Variants in TENM1 observed in about 807,000 individuals in gnomAD.
TENM1 encodes teneurin transmembrane protein 1.
TENM1 carries 35 observed loss-of-function variants against 174.8 expected under a neutral mutation model. That is an observed-to-expected ratio of 0.20 (90% CI 0.15 to 0.27). The LOEUF is 0.27. Among genes scored for constraint, TENM1 ranks in the 10% least tolerant of loss-of-function variants. The pLI, the probability that TENM1 is intolerant of heterozygous loss-of-function variation, is 1.00. For synonymous variants in TENM1, 781 were observed against 798.7 expected (o/e 0.98, Z 0.37); for missense variants, 1,633 against 2,130.1 (o/e 0.77, Z 4.59).
At chrX:125,176,036 TG>T in the TENM1 span, among the ~76,000 whole-genome samples, 3 of 111,833 alleles carry the variant, frequency 2.7e-5, no homozygotes, top group Admixed American at 9.5e-5. Context: ...CTCTGCAGCT[TG>T]GTTATTTCAT....
At chrX:124,874,724 G>A (rs1038254450) in intron 3 of TENM1, among the ~76,000 whole-genome samples, 1 of 110,555 alleles carries the variant, frequency 9.0e-6, no homozygotes, top group Non-Finnish European at 1.9e-5. Flanking sequence ...AGGGAGTGAG[G>A]TACGGAGGGA....
chrX:124,541,294 A>G (rs2048313561), intron 15 of TENM1, among the ~76,000 whole-genome samples: 1 of 112,027 alleles, frequency 8.9e-6, no homozygotes, highest in Non-Finnish European at 1.9e-5. Flanking sequence ...AGTATTGGAG[A>G]TGGGGCCTGG....
At chrX:124,730,684 T>C (rs1485284797) in intron 4 of TENM1, among the ~76,000 whole-genome samples, 1 of 112,186 alleles carries the variant, frequency 8.9e-6, no homozygotes. Context: ...AATGCAAATA[T>C]ATGGCAAGTT....
intron 3 of TENM1, among the ~76,000 whole-genome samples, chrX:124,787,819 A>T (rs1603199360): frequency 8.9e-6 from 1 of 112,630 alleles, no homozygotes; most frequent in African/African-American, 3.2e-5. Flanking sequence ...TAGATTCTAT[A>T]ATATAGTATA....
At chrX:125,148,077 A>G in the TENM1 span, among the ~76,000 whole-genome samples, 1 of 111,066 alleles carries the variant, frequency 9.0e-6, no homozygotes, top group Admixed American at 9.6e-5. Flanking sequence ...TTAATTTTTC[A>G]AGAATCTTTC....
chrX:124,580,918 C>G (rs73215120), intron 11 of TENM1, among the ~76,000 whole-genome samples: 8,567 of 109,601 alleles, frequency 0.078, 414 homozygotes, highest in Non-Finnish European at 0.13. Flanking sequence ...TTGTTGCCAT[C>G]TTTATGTCCC....
chrX:124,602,580 G>C (rs910419437), intron 11 of TENM1, among the ~76,000 whole-genome samples: 1 of 110,717 alleles, frequency 9.0e-6, no homozygotes, highest in African/African-American at 3.3e-5. Flanking sequence ...GGGAGTCTTA[G>C]GCAGAATGAA....
At chrX:124,587,628 G>A (rs1180416654) in intron 11 of TENM1, among the ~76,000 whole-genome samples, 1 of 110,723 alleles carries the variant, frequency 9.0e-6, no homozygotes, top group Non-Finnish European at 1.9e-5. Context: ...CATAGGCATG[G>A]GCAAGGACTT....
intron 5 of TENM1, among the ~76,000 whole-genome samples, chrX:124,686,776 T>C (rs773230503): frequency 6.4e-4 from 72 of 111,686 alleles, no homozygotes; most frequent in African/African-American, 2.2e-3. Context: ...TACCTCAAAA[T>C]AGTAAAAGCT....
the TENM1 span, among the ~76,000 whole-genome samples, chrX:125,099,652 C>A: frequency 1.8e-5 from 2 of 111,706 alleles, no homozygotes; most frequent in Admixed American, 9.6e-5. Flanking sequence ...TCTTGGGATG[C>A]ATTCTGTGTG....
intron 3 of TENM1, among the ~76,000 whole-genome samples, 199 bp downstream of exon 6, chrX:124,894,097 C>T (rs2057520155): frequency 9.0e-6 from 1 of 111,597 alleles, no homozygotes; most frequent in African/African-American, 3.3e-5. Flanking sequence ...CCTTCACCTC[C>T]TCTTCACCAC....
intron 3 of TENM1, among the ~76,000 whole-genome samples, chrX:124,884,224 A>T (rs949920087): frequency 3.6e-5 from 4 of 110,882 alleles, no homozygotes; most frequent in Non-Finnish European, 7.6e-5. Flanking sequence ...TGACCCTGGT[A>T]GCAGCAGCCA....
chrX:124,913,783 A>G (rs1273135186), intron 1 of TENM1, among the ~76,000 whole-genome samples: 2 of 111,983 alleles, frequency 1.8e-5, no homozygotes, highest in African/African-American at 6.5e-5. Context: ...TTTTGTATTC[A>G]CTAACTTGTC....
In TENM1 at chrX:124,828,051, G is replaced by T. The variant is rs376331626; in HGVS notation, c.535+66245C>A. On this transcript the variant is annotated intron_variant, in intron 3 of 31. Transcript: ENST00000422452. The stretch of plus-strand genomic sequence containing the variant: ...AGGAAAGTAGAGAATTAAAACTTAT[G>T]ATAAACAATCAGGAGTCATGGCCAA... Among the ~76,000 whole-genome samples the T allele has an allele frequency of 3.6e-5, 4 of 111,697 alleles. No individual in the cohort carries two copies. In the East Asian group the frequency reaches 8.5e-4, roughly 24 times the overall value.
intron 4 of TENM1, among the ~76,000 whole-genome samples, chrX:124,727,784 A>C (rs1158948744): frequency 2.7e-5 from 3 of 111,411 alleles, no homozygotes; most frequent in African/African-American, 9.8e-5. Flanking sequence ...AAGGAAACTA[A>C]AATGAGGGTG....
the TENM1 span, among the ~76,000 whole-genome samples, chrX:125,148,395 G>C: frequency 1.4e-4 from 16 of 110,913 alleles, no homozygotes; most frequent in African/African-American, 5.2e-4. Context: ...GACATCTGTA[G>C]TGCAACTACT....
At chrX:124,926,173 C>T (rs377475486) in intron 1 of TENM1, among the ~76,000 whole-genome samples, 13 of 112,164 alleles carry the variant, frequency 1.2e-4, no homozygotes, top group South Asian at 7.4e-4. Flanking sequence ...AAGTCACTTA[C>T]GTGCTGGCCA....
the TENM1 span, among the ~76,000 whole-genome samples, chrX:125,121,742 A>G: frequency 1.8e-5 from 2 of 112,073 alleles, no homozygotes; most frequent in East Asian, 5.6e-4. Flanking sequence ...TTATGACTAC[A>G]AAAGCAATAA....
intron 3 of TENM1, among the ~76,000 whole-genome samples, chrX:124,878,561 C>G (rs2057248815): frequency 9.1e-6 from 1 of 109,947 alleles, no homozygotes; most frequent in African/African-American, 3.3e-5. Flanking sequence ...CTCTCTTACT[C>G]TCTTCTGGCA....
Sources: allele counts gnomAD v4.1 joint callset (sites outside exome capture counted in the v4.1 genomes callset), GRCh38; gene constraint gnomAD v4.1.1; transcripts MANE v1.5; gene names NCBI Gene and HGNC (gene_info 2026-07-23, HGNC 2026-07-21).